The following SLC3A1 variants were observed in gnomAD, a reference collection of about 807,000 sequenced individuals.
SLC3A1 encodes amino acid transporter heavy chain SLC3A1.
A neutral mutation model predicts 60.3 loss-of-function variants in SLC3A1; 78 were observed. The ratio of observed to expected loss-of-function variants is 1.29; its 90% CI spans 1.08 to 1.56. SLC3A1 has a LOEUF of 1.56. Ranked by LOEUF, SLC3A1 falls within the 40% of genes most tolerant of loss-of-function variation. SLC3A1 has a pLI of 0.00. For synonymous variants in SLC3A1, 392 were observed against 307.9 expected, an observed-to-expected ratio of 1.27 and a Z score of -2.86; for missense variants, 1,172 against 858.9, an observed-to-expected ratio of 1.36 and a Z score of -4.56.
chr2:44,299,125 A>G (rs1302091041), intron 4 of SLC3A1, among the ~76,000 whole-genome samples: 1 of 132,350 alleles, frequency 7.6e-6, no homozygotes, highest in Non-Finnish European at 1.6e-5. Flanking sequence ...CACAACTTCC[A>G]CCTCCCGGGT....
At chr2:44,297,230 G>A (rs932448512) in intron 4 of SLC3A1, among the ~76,000 whole-genome samples, 1 of 152,196 alleles carries the variant, frequency 6.6e-6, no homozygotes, top group African/African-American at 2.4e-5. Flanking sequence ...AGAAAAGTAG[G>A]GAGAGCCACT....
At chr2:44,322,391 T>G (rs1673063168), downstream of SLC3A1, among the ~76,000 whole-genome samples, 1 of 152,200 alleles carries the variant, frequency 6.6e-6, no homozygotes, top group Non-Finnish European at 1.5e-5. Flanking sequence ...GAATCTGTCT[T>G]TTAGAGATTC....
chr2:44,312,556 G>C, intron 7 of SLC3A1, 30 bp from the exon 8 acceptor site: 1 of 1,610,932 alleles, frequency 6.2e-7, no homozygotes, highest in African/African-American at 1.3e-5. Context: ...TGTGTATACA[G>C]CTGTGTTCTT....
intron 1 of SLC3A1, among the ~76,000 whole-genome samples, chr2:44,277,421 T>C (rs1321226813): frequency 4.6e-5 from 7 of 152,126 alleles, no homozygotes; most frequent in African/African-American, 1.7e-4. Flanking sequence ...TCATTCTCGT[T>C]TTAAAAATCA....
intron 8 of SLC3A1, 98 bp downstream of exon 8, chr2:44,312,851 C>T: frequency 2.1e-6 from 2 of 944,748 alleles, no homozygotes; most frequent in South Asian, 2.8e-5. Flanking sequence ...CTCTCTATTG[C>T]ATTGCTGAAA....
chr2:44,311,933 TAAA>T (rs1299721522), intron 7 of SLC3A1, among the ~76,000 whole-genome samples: 1 of 152,170 alleles, frequency 6.6e-6, no homozygotes, highest in East Asian at 1.9e-4. Flanking sequence ...AAGTACTTTT[TAAA>T]AAGTAAAGTG....
chr2:44,280,523 C>A (rs556722967), intron 1 of SLC3A1, among the ~76,000 whole-genome samples, 193 bp from the exon 2 acceptor site: 2 of 152,168 alleles, frequency 1.3e-5, no homozygotes, highest in East Asian at 1.9e-4. Context: ...CAGGCGTGAA[C>A]CACTACACCC....
chr2:44,291,500 T>TGA (rs1186603411), intron 4 of SLC3A1, among the ~76,000 whole-genome samples: 2 of 152,142 alleles, frequency 1.3e-5, no homozygotes, highest in Admixed American at 1.3e-4. Flanking sequence ...TGCCTCCGGT[T>TGA]GAGAGATTAG....
At chr2:44,307,820 A>C (rs1429551434) in intron 7 of SLC3A1, among the ~76,000 whole-genome samples, 3 of 152,168 alleles carry the variant, frequency 2.0e-5, no homozygotes, top group Non-Finnish European at 4.4e-5. Flanking sequence ...AAAGCACAGA[A>C]GTTTTTAATT....
At chr2:44,302,758 C>T (rs569570180) in intron 6 of SLC3A1, among the ~76,000 whole-genome samples, 1 of 152,312 alleles carries the variant, frequency 6.6e-6, no homozygotes, top group African/African-American at 2.4e-5. Context: ...AATACCCCAC[C>T]TAATTTGCAG....
chr2:44,303,104 G>T (rs922366146), intron 6 of SLC3A1, among the ~76,000 whole-genome samples: 3 of 151,686 alleles, frequency 2.0e-5, no homozygotes, highest in Non-Finnish European at 4.4e-5. Context: ...GGGAGGCTGA[G>T]GCAGGAGAAT....
intron 8 of SLC3A1, 96 bp downstream of exon 8, chr2:44,312,849 T>G (rs905578317): frequency 3.1e-6 from 3 of 955,284 alleles, no homozygotes; most frequent in Non-Finnish European, 3.3e-6. Flanking sequence ...ATCTCTCTAT[T>G]GCATTGCTGA....
At chr2:44,293,968 C>G (rs556903873) in intron 4 of SLC3A1, among the ~76,000 whole-genome samples, 7 of 152,034 alleles carry the variant, frequency 4.6e-5, no homozygotes, top group Non-Finnish European at 8.8e-5. Flanking sequence ...ATTTTTTTTA[C>G]TGTATACAGT....
Position 44,312,750 on chromosome 2 carries a change from TATTGTAA to T in SLC3A1, c.1498_1500+4del. ...CCGCAAATCTCAATGAAAGCTATGA[TATTGTAA>T]GTTGAATACAACTTGACTATTCATC... On this transcript the variant is annotated splice_donor_variant and splice_donor_region_variant and coding_sequence_variant and intron_variant, in exon 8 of 10. Coordinates refer to ENST00000260649, the MANE Select transcript of SLC3A1 (RefSeq NM_000341.4). LOFTEE classifies it high-confidence loss of function. 6.2e-7 allele frequency: 1 copy of T among 1,607,380 alleles called. No individual in the cohort carries two copies. Among genetic ancestry groups the T allele is most frequent in the Non-Finnish European group, 8.5e-7 (1 of 1,178,526 alleles).
rs758627758 is a variant in SLC3A1, at chr2:44,304,340, T to A, written c.1332+2T>A. The A allele has an allele frequency of 3.1e-6, 5 of 1,610,500 alleles. No individual in the cohort carries two copies. In the East Asian group the frequency reaches 1.1e-4, roughly 36 times the overall value. On this transcript the variant is annotated splice_donor_variant, in intron 7 of 9. Transcript: ENST00000260649. LOFTEE classifies it high-confidence loss of function. Reference sequence around the variant, plus strand: ...GAAGGAAAATGGCCTAACTGGATGGTAAGTCCTCATGACAGCAGAGTACAT... The same window carrying A: ...GAAGGAAAATGGCCTAACTGGATGGAAAGTCCTCATGACAGCAGAGTACAT...
At chr2:44,306,747 G>C (rs978071334) in intron 7 of SLC3A1, among the ~76,000 whole-genome samples, 1 of 151,648 alleles carries the variant, frequency 6.6e-6, no homozygotes, top group African/African-American at 2.4e-5. Context: ...TAGGGACACG[G>C]GGTTTCATCA....
chr2:44,275,751 G>A lies in SLC3A1; in HGVS notation c.216G>A (p.Val72=). The change falls in exon 1 of 10, where the codon GTG becomes GTA. Residue 72 remains valine (V), a synonymous_variant. Coordinates refer to ENST00000260649, the MANE Select transcript of SLC3A1 (RefSeq NM_000341.4). Reference sequence around the variant, plus strand: ...CCTATGCGGGGATGCCCAAGGAGGTGCTGTTCCAGTTCTCTGGCCAGGCCC... The same window carrying A: ...CCTATGCGGGGATGCCCAAGGAGGTACTGTTCCAGTTCTCTGGCCAGGCCC... ...VQPYAGMPKE[V]LFQFSGQARY... 1 of 1,614,262 alleles carries A rather than the reference G, an allele frequency of 6.2e-7. No individual in the cohort carries two copies. The highest frequency in any genetic ancestry group is 2.2e-5 in the East Asian group (1 of 44,886).
intron 9 of SLC3A1, 172 bp from the exon 10 acceptor site, chr2:44,320,027 A>C (rs1572830125): frequency 3.3e-6 from 2 of 612,014 alleles, no homozygotes; most frequent in Admixed American, 5.9e-5. Flanking sequence ...CATTTCTATC[A>C]GTTTTTATAT....
intron 7 of SLC3A1, among the ~76,000 whole-genome samples, chr2:44,311,595 A>G (rs879599716): frequency 6.6e-6 from 1 of 152,144 alleles, no homozygotes; most frequent in Non-Finnish European, 1.5e-5. Context: ...AGATCTCATG[A>G]CAGTGAAAAG....
Sources: allele counts gnomAD v4.1 joint callset (sites outside exome capture counted in the v4.1 genomes callset), GRCh38; gene constraint gnomAD v4.1.1; transcripts MANE v1.5; gene names NCBI Gene and HGNC (gene_info 2026-07-23, HGNC 2026-07-21).